Variants in ANKRD55 observed in about 807,000 individuals in gnomAD.
The protein encoded by ANKRD55 is ankyrin repeat domain 55, also known as ankyrin repeat domain-containing protein 55.
In ANKRD55, 41 loss-of-function variants were observed where a neutral mutation model predicts 60.6. The ratio of observed to expected loss-of-function variants is 0.68; its 90% CI spans 0.53 to 0.88. The LOEUF (loss-of-function observed/expected upper bound fraction) is 0.88. Among genes scored for constraint, ANKRD55 ranks in the 40% least tolerant of loss-of-function variants. The pLI is 0.00. For synonymous variants in ANKRD55, 264 were observed against 290.3 expected (o/e 0.91, Z 0.92); for missense variants, 732 against 767.6 (o/e 0.95, Z 0.55).
intron 8 of ANKRD55, among the ~76,000 whole-genome samples, chr5:56,119,840 C>G (rs905172528): frequency 2.0e-5 from 3 of 151,996 alleles, no homozygotes; most frequent in African/African-American, 7.3e-5. Context: ...TTGATTGAGC[C>G]TAGAGAGGTT....
intron 7 of ANKRD55, among the ~76,000 whole-genome samples, chr5:56,142,672 C>T (rs1003987377): frequency 6.6e-6 from 1 of 152,198 alleles, no homozygotes; most frequent in Non-Finnish European, 1.5e-5. Context: ...CCTGGGAGCC[C>T]AGCCAGGTTC....
intron 5 of ANKRD55, among the ~76,000 whole-genome samples, chr5:56,162,914 G>A (rs529066578): frequency 6.6e-6 from 1 of 152,174 alleles, no homozygotes; most frequent in African/African-American, 2.4e-5. Context: ...GAACTCAAAC[G>A]ATCCTCAGCC....
At chr5:56,127,337 C>T in intron 7 of ANKRD55, 2 of 985,270 alleles carry the variant, frequency 2.0e-6, no homozygotes, top group South Asian at 4.7e-5. Context: ...CCCACAGGAG[C>T]TAAATTGTCT....
At chr5:56,135,616 G>C (rs1757577672) in intron 7 of ANKRD55, among the ~76,000 whole-genome samples, 1 of 151,938 alleles carries the variant, frequency 6.6e-6, no homozygotes, top group Non-Finnish European at 1.5e-5. Context: ...CAATCTGCCT[G>C]CATCGGCCTC....
At chr5:56,202,143 AGAGGGG>A (rs761720963) in intron 2 of ANKRD55, among the ~76,000 whole-genome samples, 20 of 152,152 alleles carry the variant, frequency 1.3e-4, no homozygotes, top group Non-Finnish European at 1.9e-4. Context: ...GGAGCCTGTC[AGAGGGG>A]GTGGTGTGGG....
chr5:56,135,848 A>G (rs1162675549), intron 7 of ANKRD55, among the ~76,000 whole-genome samples: 2 of 152,248 alleles, frequency 1.3e-5, no homozygotes, highest in South Asian at 2.1e-4. Flanking sequence ...CTAAGAAGCA[A>G]TTATAGCAAG....
At chr5:56,108,754 T>C (rs1250728824) in intron 10 of ANKRD55, among the ~76,000 whole-genome samples, 3 of 152,154 alleles carry the variant, frequency 2.0e-5, no homozygotes, top group Non-Finnish European at 2.9e-5. Context: ...AAAAACATAT[T>C]GCAGCTGGGC....
chr5:56,173,064 C>T (rs1338951314), intron 4 of ANKRD55, among the ~76,000 whole-genome samples: 3 of 152,202 alleles, frequency 2.0e-5, no homozygotes, highest in South Asian at 2.1e-4. Context: ...CCCCAAAACT[C>T]GACTAGTGCC....
intron 2 of ANKRD55, among the ~76,000 whole-genome samples, chr5:56,199,564 T>G (rs1430455597): frequency 6.7e-6 from 1 of 148,676 alleles, no homozygotes; most frequent in African/African-American, 2.5e-5. Context: ...ATGCATAAGA[T>G]AAATTACCAT....
intron 7 of ANKRD55, among the ~76,000 whole-genome samples, chr5:56,138,985 G>A (rs1757682156): frequency 6.6e-6 from 1 of 151,778 alleles, no homozygotes; most frequent in Non-Finnish European, 1.5e-5. Context: ...TATGGACTTT[G>A]GGCATTGATG....
At chr5:56,134,856 T>C (rs931017701) in intron 7 of ANKRD55, among the ~76,000 whole-genome samples, 1 of 152,146 alleles carries the variant, frequency 6.6e-6, no homozygotes, top group African/African-American at 2.4e-5. Flanking sequence ...CTCAACAACA[T>C]ATTAGTGAAT....
rs150054619 is a variant in ANKRD55, at chr5:56,214,250, G to A, written c.58+18606C>T. Among the ~76,000 whole-genome samples, 412 of 152,336 alleles carry A rather than the reference G, an allele frequency of 2.7e-3. 2 individuals carry two copies. The highest frequency in any genetic ancestry group is 4.4e-3 in the Non-Finnish European group (301 of 68,032). ...AAACAATATCAGGGTGCTCTGCCAC[G>A]AATTCATTAGAGAGGAAGTGAAGGC... On this transcript the variant is annotated intron_variant, in intron 2 of 11. Coordinates refer to ENST00000341048, the MANE Select transcript of ANKRD55 (RefSeq NM_024669.3).
At chr5:56,160,067 A>G (rs927421174) in intron 5 of ANKRD55, among the ~76,000 whole-genome samples, 174 bp from the exon 6 acceptor site, 3 of 152,102 alleles carry the variant, frequency 2.0e-5, no homozygotes, top group Non-Finnish European at 4.4e-5. Flanking sequence ...CAAGAGTGTG[A>G]TAGGTTAGAA....
intron 6 of ANKRD55, among the ~76,000 whole-genome samples, chr5:56,157,820 G>GCGC (rs1758231978): frequency 6.6e-6 from 1 of 152,100 alleles, no homozygotes; most frequent in Non-Finnish European, 1.5e-5. Flanking sequence ...ACCGGAGCCG[G>GCGC]CGCGCGTCCT....
chr5:56,169,761 G>A (rs529083517), intron 5 of ANKRD55, among the ~76,000 whole-genome samples: 4 of 152,220 alleles, frequency 2.6e-5, no homozygotes, highest in East Asian at 3.9e-4. Context: ...GAGTTGAGAG[G>A]GTGAAGTATA....
chr5:56,211,288 C>A (rs1213277663), intron 2 of ANKRD55, among the ~76,000 whole-genome samples: 1 of 152,172 alleles, frequency 6.6e-6, no homozygotes, highest in Non-Finnish European at 1.5e-5. Flanking sequence ...TTTTCAGGAC[C>A]GTTTCAATGC....
chr5:56,101,727 A>T (rs1756281854), intron 11 of ANKRD55, among the ~76,000 whole-genome samples: 2 of 152,054 alleles, frequency 1.3e-5, no homozygotes, highest in Non-Finnish European at 2.9e-5. Flanking sequence ...ATATTAGGAG[A>T]ATTTTTTTCA....
chr5:56,162,557 C>T (rs376533987), intron 5 of ANKRD55, among the ~76,000 whole-genome samples: 1 of 152,192 alleles, frequency 6.6e-6, no homozygotes, highest in African/African-American at 2.4e-5. Context: ...ACAGCCCCTT[C>T]CTTGCCCCTT....
At chr5:56,136,902 G>C (rs943212937) in intron 7 of ANKRD55, 1 of 396,612 alleles carries the variant, frequency 2.5e-6, no homozygotes, top group Non-Finnish European at 4.8e-6. Context: ...GCCTGGATGA[G>C]ACAGAGTGAA....
Sources: allele counts gnomAD v4.1 joint callset (sites outside exome capture counted in the v4.1 genomes callset), GRCh38; gene constraint gnomAD v4.1.1; transcripts MANE v1.5; gene names NCBI Gene and HGNC (gene_info 2026-07-23, HGNC 2026-07-21).